The following TAFA5 variants were observed in gnomAD, a reference collection of about 807,000 sequenced individuals.
The protein encoded by TAFA5 is TAFA chemokine like family member 5.
A neutral mutation model predicts 15.3 loss-of-function variants in TAFA5; 6 were observed. That is an observed-to-expected ratio of 0.39 (90% CI 0.21 to 0.77). The LOEUF (loss-of-function observed/expected upper bound fraction) is 0.77, where lower values mean the gene tolerates loss of function less well. TAFA5 is among the 30% of genes least tolerant of loss of function. The pLI is 0.41. For synonymous variants in TAFA5, 103 were observed against 80.7 expected (o/e 1.28, Z -1.48); for missense variants, 161 against 193.1 (o/e 0.83, Z 0.98).
At chr22:48,672,601 T>C (rs1337611995) in intron 2 of TAFA5, among the ~76,000 whole-genome samples, 2 of 152,156 alleles carry the variant, frequency 1.3e-5, no homozygotes, top group Non-Finnish European at 2.9e-5. Flanking sequence ...AGACATCACT[T>C]CCTTGCCTTC....
intron 1 of TAFA5, among the ~76,000 whole-genome samples, chr22:48,549,780 G>A (rs1389381309): frequency 6.6e-6 from 1 of 152,190 alleles, no homozygotes; most frequent in Non-Finnish European, 1.5e-5. Flanking sequence ...CAGAGCTGTG[G>A]CAACTGTGCA....
At chr22:48,580,383 G>C (rs747676744) in intron 1 of TAFA5, among the ~76,000 whole-genome samples, 2 of 152,242 alleles carry the variant, frequency 1.3e-5, no homozygotes, top group African/African-American at 2.4e-5. Flanking sequence ...AGATGGATCA[G>C]TTTATTTTTT....
intron 1 of TAFA5, among the ~76,000 whole-genome samples, chr22:48,537,771 G>A (rs1922220952): frequency 6.6e-6 from 1 of 152,228 alleles, no homozygotes; most frequent in Admixed American, 6.5e-5. Flanking sequence ...AAGGCCCCAC[G>A]GTGTCCCCAG....
intron 1 of TAFA5, among the ~76,000 whole-genome samples, chr22:48,583,296 A>C (rs574926532): frequency 6.7e-6 from 1 of 150,152 alleles, no homozygotes; most frequent in East Asian, 2.0e-4. Context: ...AATACACCAC[A>C]CACCACACAC....
intron 1 of TAFA5, among the ~76,000 whole-genome samples, chr22:48,499,812 C>T (rs1009537437): frequency 9.9e-5 from 15 of 152,198 alleles, no homozygotes; most frequent in East Asian, 3.9e-4. Flanking sequence ...CCTTCCCTCC[C>T]GGGTCCCCTT....
intron 3 of TAFA5, among the ~76,000 whole-genome samples, chr22:48,737,456 G>A (rs1047390118): frequency 2.0e-5 from 3 of 152,110 alleles, no homozygotes; most frequent in Non-Finnish European, 4.4e-5. Flanking sequence ...CCATGAACTC[G>A]CAACTGAATG....
chr22:48,509,209 G>C (rs1357759482), intron 1 of TAFA5, among the ~76,000 whole-genome samples: 1 of 152,142 alleles, frequency 6.6e-6, no homozygotes, highest in East Asian at 1.9e-4. Flanking sequence ...CCAGGCGCCT[G>C]CTGATGGACA....
chr22:48,722,221 T>C (rs921380240), intron 3 of TAFA5, among the ~76,000 whole-genome samples: 1 of 152,214 alleles, frequency 6.6e-6, no homozygotes, highest in Admixed American at 6.5e-5. Flanking sequence ...GACTTTTTAA[T>C]GACCGCCATT....
intron 1 of TAFA5, among the ~76,000 whole-genome samples, chr22:48,587,501 C>T (rs1924405048): frequency 6.6e-6 from 1 of 152,174 alleles, no homozygotes; most frequent in South Asian, 2.1e-4. Flanking sequence ...GTCACAGCTC[C>T]AGGCACCAAG....
At chr22:48,748,147 G>T (rs913247406) in intron 3 of TAFA5, among the ~76,000 whole-genome samples, 3 of 152,226 alleles carry the variant, frequency 2.0e-5, no homozygotes, top group Non-Finnish European at 4.4e-5. Context: ...TGTGGGCCAA[G>T]CATCAGGTGC....
chr22:48,715,963 T>A (rs1241395933), intron 3 of TAFA5, among the ~76,000 whole-genome samples: 2 of 152,254 alleles, frequency 1.3e-5, no homozygotes, highest in Non-Finnish European at 2.9e-5. Flanking sequence ...GTTTTCTGCA[T>A]ATGGCTAGCC....
At chr22:48,708,753 C>T (rs1359652552) in intron 3 of TAFA5, among the ~76,000 whole-genome samples, 1 of 152,184 alleles carries the variant, frequency 6.6e-6, no homozygotes, top group Admixed American at 6.5e-5. Context: ...AGATCTGTGG[C>T]TGGGCAGAAG....
At chr22:48,736,799 C>T (rs939827433) in intron 3 of TAFA5, among the ~76,000 whole-genome samples, 1 of 152,134 alleles carries the variant, frequency 6.6e-6, no homozygotes, top group African/African-American at 2.4e-5. Flanking sequence ...TCACAGAGGC[C>T]GAATGAAGGC....
intron 2 of TAFA5, among the ~76,000 whole-genome samples, chr22:48,691,030 A>G (rs905273767): frequency 2.0e-5 from 3 of 152,166 alleles, no homozygotes; most frequent in Non-Finnish European, 4.4e-5. Context: ...GAGCGCCGTC[A>G]ATCTCCAGTG....
chr22:48,544,665 C>T, intron 1 of TAFA5: 1 of 470,990 alleles, frequency 2.1e-6, no homozygotes, highest in Non-Finnish European at 4.4e-6. Context: ...GTGCACTAAG[C>T]ACTCACTCTG....
intron 3 of TAFA5, among the ~76,000 whole-genome samples, chr22:48,725,724 G>GAA (rs11379698): frequency 5.8e-4 from 67 of 114,928 alleles, no homozygotes; most frequent in Middle Eastern, 5.0e-3. Context: ...ATAATTCACA[G>GAA]AAAAAAAAAA....
At chr22:48,674,584 C>A (rs1927908779) in intron 2 of TAFA5, among the ~76,000 whole-genome samples, 1 of 152,154 alleles carries the variant, frequency 6.6e-6, no homozygotes, top group African/African-American at 2.4e-5. Flanking sequence ...TGGGGCTGAT[C>A]CATGTTAGTG....
At chr22:48,720,311 T>C (rs1169176239) in intron 3 of TAFA5, among the ~76,000 whole-genome samples, 2 of 152,060 alleles carry the variant, frequency 1.3e-5, no homozygotes, top group Non-Finnish European at 2.9e-5. Context: ...TCCCCACCGT[T>C]CCCATCCCTC....
intron 2 of TAFA5, among the ~76,000 whole-genome samples, chr22:48,681,299 C>G (rs1308183700): frequency 6.6e-6 from 1 of 152,108 alleles, no homozygotes; most frequent in Non-Finnish European, 1.5e-5. Flanking sequence ...CCCGTGAGGA[C>G]ACGCACAGCT....
Sources: gnomAD v4.1 joint callset for allele counts (sites outside exome capture counted in the v4.1 genomes callset) on GRCh38, gnomAD v4.1.1 for gene constraint, MANE v1.5 for transcripts, NCBI Gene and HGNC (gene_info 2026-07-23, HGNC 2026-07-21) for gene names.